Variants in ITSN1 observed in about 807,000 individuals in gnomAD.
The protein encoded by ITSN1 is intersectin-1.
In ITSN1, 58 loss-of-function variants were observed where a neutral mutation model predicts 239.8. That is an observed-to-expected ratio of 0.24 (90% CI 0.20 to 0.30). The LOEUF (loss-of-function observed/expected upper bound fraction) is 0.30. ITSN1 is among the 10% of genes least tolerant of loss of function. The probability of loss-of-function intolerance (pLI) is 1.00; values close to 1 mark genes in which losing one functional copy is unlikely to be tolerated. For synonymous variants in ITSN1, 780 were observed against 770.8 expected, an observed-to-expected ratio of 1.01 and a Z score of -0.20; for missense variants, 1,558 against 2,103.3, an observed-to-expected ratio of 0.74 and a Z score of 5.07.
chr21:33,809,038 A>G (rs959987351), intron 20 of ITSN1, among the ~76,000 whole-genome samples: 2 of 152,244 alleles, frequency 1.3e-5, no homozygotes, highest in African/African-American at 4.8e-5. Flanking sequence ...AAGGAAGGAA[A>G]GACATCTAGC....
intron 1 of ITSN1, among the ~76,000 whole-genome samples, chr21:33,646,715 G>T (rs1431330105): frequency 6.6e-6 from 1 of 152,140 alleles, no homozygotes; most frequent in Non-Finnish European, 1.5e-5. Flanking sequence ...TTAATAAATG[G>T]TAGTTACAGT....
At chr21:33,833,061 C>T (rs892054407) in intron 27 of ITSN1, among the ~76,000 whole-genome samples, 1 of 151,834 alleles carries the variant, frequency 6.6e-6, no homozygotes, top group Non-Finnish European at 1.5e-5. Context: ...TTTGGGTTCT[C>T]TTTTCTTGGT....
chr21:33,794,475 C>T lies in ITSN1; in HGVS notation c.1952+7C>T. The T allele has an allele frequency of 6.2e-7, 1 of 1,609,112 alleles. No individual in the cohort carries two copies. ...AAAAAGAAGAAGCCCAAAGGTGAGT[C>T]TTCTTTGGATTGTGGACTCATCTGG... On this transcript the variant is annotated splice_region_variant and intron_variant, in intron 17 of 39. Coordinates refer to ENST00000381318, the MANE Select transcript of ITSN1 (RefSeq NM_003024.3).
intron 16 of ITSN1, among the ~76,000 whole-genome samples, chr21:33,786,565 C>T (rs1209919584): frequency 2.0e-5 from 3 of 152,200 alleles, no homozygotes; most frequent in African/African-American, 7.2e-5. Flanking sequence ...TCAGTAGTTA[C>T]TGTAGCAGTT....
At chr21:33,809,338 T>A (rs1037897600) in intron 20 of ITSN1, among the ~76,000 whole-genome samples, 2 of 152,230 alleles carry the variant, frequency 1.3e-5, no homozygotes, top group Non-Finnish European at 2.9e-5. Context: ...CAATAAAGAT[T>A]CCCTAAAGTG....
At chr21:33,786,159 A>T (rs1381918229) in intron 16 of ITSN1, among the ~76,000 whole-genome samples, 1 of 152,220 alleles carries the variant, frequency 6.6e-6, no homozygotes, top group East Asian at 1.9e-4. Flanking sequence ...ACAGTGAATT[A>T]ACCAGGAATA....
At chr21:33,701,960 G>A (rs2092031627) in intron 1 of ITSN1, among the ~76,000 whole-genome samples, 2 of 150,908 alleles carry the variant, frequency 1.3e-5, no homozygotes, top group African/African-American at 2.4e-5. Context: ...CCCAGCTACT[G>A]GAGAGGCTGA....
chr21:33,859,401 A>C (rs1456696258), intron 31 of ITSN1, among the ~76,000 whole-genome samples: 1 of 152,158 alleles, frequency 6.6e-6, no homozygotes, highest in Non-Finnish European at 1.5e-5. Context: ...TGTAAAATGA[A>C]AGGGTTGGAT....
chr21:33,784,901 C>G (rs183609500), intron 16 of ITSN1, among the ~76,000 whole-genome samples: 257 of 152,308 alleles, frequency 1.7e-3, no homozygotes, highest in African/African-American at 6.0e-3. Context: ...CCCTCTTGAT[C>G]GGCAGTGCCT....
intron 31 of ITSN1, 123 bp downstream of exon 31, chr21:33,858,915 T>G: frequency 1.9e-6 from 1 of 534,604 alleles, no homozygotes. Context: ...TTTTTTTTTT[T>G]CTTCTCATTG....
At chr21:33,817,626 T>C (rs2073376724) in intron 22 of ITSN1, 1 of 1,252,310 alleles carries the variant, frequency 8.0e-7, no homozygotes, top group Admixed American at 2.7e-5. Flanking sequence ...GCTTTGTGGT[T>C]AATAAAGTGC....
chr21:33,762,962 C>T (rs1272401595), intron 9 of ITSN1, among the ~76,000 whole-genome samples: 1 of 152,016 alleles, frequency 6.6e-6, no homozygotes, highest in African/African-American at 2.4e-5. Flanking sequence ...TGCGCCTGAC[C>T]GACTTTCTTC....
rs2092056763 is a variant in ITSN1 at position 33,702,253 on chromosome 21, A to G, written c.-32-16544A>G. Among the ~76,000 whole-genome samples, 3 of 150,972 alleles carry G rather than the reference A, an allele frequency of 2.0e-5. No individual in the cohort carries two copies. The South Asian group carries it at 6.3e-4, about 31-fold the overall frequency. ...GCACTCAGCCTCCTAAGTAGCTGGG[A>G]TTACAGGTGCTCACCACCACACCCA... On this transcript the variant is annotated intron_variant, in intron 1 of 39. Coordinates refer to ENST00000381318, the MANE Select transcript of ITSN1 (RefSeq NM_003024.3).
chr21:33,673,156 AAAAAG>A (rs754814248), intron 1 of ITSN1, among the ~76,000 whole-genome samples: 4 of 152,242 alleles, frequency 2.6e-5, no homozygotes, highest in Admixed American at 6.5e-5. Context: ...AATAAACTAG[AAAAAG>A]AAAAGAAAAA....
At chr21:33,886,559 C>T (rs1985830009) in intron 39 of ITSN1, 99 bp downstream of exon 39, 7 of 1,094,910 alleles carry the variant, frequency 6.4e-6, no homozygotes, top group African/African-American at 1.6e-5. Flanking sequence ...AGGATTCCTT[C>T]GGTTTCCCTC....
chr21:33,836,137 C>G (rs555305455), intron 28 of ITSN1, among the ~76,000 whole-genome samples: 2 of 152,258 alleles, frequency 1.3e-5, no homozygotes, highest in South Asian at 2.1e-4. Context: ...GGAAGGAGTT[C>G]CGCTGCACTC....
intron 4 of ITSN1, among the ~76,000 whole-genome samples, chr21:33,730,593 G>T (rs375729859): frequency 1.3e-5 from 2 of 151,484 alleles, no homozygotes; most frequent in African/African-American, 4.8e-5. Context: ...GTAGAGATGG[G>T]GTTTCACCAT....
chr21:33,840,396 C>T (rs1417561403), intron 29 of ITSN1, among the ~76,000 whole-genome samples: 2 of 151,906 alleles, frequency 1.3e-5, no homozygotes, highest in African/African-American at 4.8e-5. Context: ...GACAGTCTTA[C>T]TCTGTCACCC....
At chr21:33,704,923 T>TAAA (rs55966725) in intron 1 of ITSN1, among the ~76,000 whole-genome samples, 13 of 93,652 alleles carry the variant, frequency 1.4e-4, no homozygotes, top group African/African-American at 3.0e-4. Flanking sequence ...CCATCTCTAC[T>TAAA]AAAAAAAAAA....
Sources: gnomAD v4.1 joint callset for allele counts (sites outside exome capture counted in the v4.1 genomes callset) on GRCh38, gnomAD v4.1.1 for gene constraint, MANE v1.5 for transcripts, NCBI Gene and HGNC (gene_info 2026-07-23, HGNC 2026-07-21) for gene names.